Variants in CARMIL1 observed in about 807,000 individuals in gnomAD.
CARMIL1 encodes capping protein regulator and myosin 1 linker 1, also known as F-actin-uncapping protein LRRC16A.
CARMIL1 carries 90 observed loss-of-function variants against 177.1 expected under a neutral mutation model. The ratio of observed to expected loss-of-function variants is 0.51; its 90% CI spans 0.43 to 0.61. The LOEUF (loss-of-function observed/expected upper bound fraction) is 0.61, where lower values mean the gene tolerates loss of function less well. Ranked by LOEUF, CARMIL1 falls within the 20% of genes least tolerant of loss-of-function variation. The probability of loss-of-function intolerance (pLI) is 0.00; values close to 1 mark genes in which losing one functional copy is unlikely to be tolerated. For synonymous variants in CARMIL1, 577 were observed against 606.2 expected (o/e 0.95, Z 0.71); for missense variants, 1,380 against 1,667.0 (o/e 0.83, Z 3.00).
Position 25,554,214 on chromosome 6 carries a change from G to A in CARMIL1, c.2592+118G>A. On this transcript the variant is annotated intron_variant, in intron 28 of 36. Coordinates refer to ENST00000329474, the MANE Select transcript of CARMIL1 (RefSeq NM_017640.6). This position sits in a 1 kb window ranked among gnomAD's most constrained non-coding sequence, Gnocchi z 4.6. ...GTATTTCACACTATTACAGCTTTAT[G>A]GTTTGTGATCTTGGTTTTCCTCCTT... is the stretch of plus-strand genomic sequence containing the variant. 1.3e-6 allele frequency: 1 copy of A among 744,788 alleles called. No individual in the cohort carries two copies. Among genetic ancestry groups the A allele is most frequent in the South Asian group, 1.7e-5 (1 of 58,116 alleles). 46.1% of individuals were successfully genotyped at this position (744,788 alleles called of 1,614,324 possible). A position where few individuals can be genotyped will look rare whatever the true frequency, so the allele number is the denominator to read the frequency against.
At chr6:25,521,062 G>A (rs1008947760) in intron 23 of CARMIL1, among the ~76,000 whole-genome samples, 2 of 152,010 alleles carry the variant, frequency 1.3e-5, no homozygotes, top group South Asian at 2.1e-4. Flanking sequence ...TCTCCTTGGC[G>A]ATGTCATCCA....
At chr6:25,439,497 G>T (rs1224660908) in intron 5 of CARMIL1, among the ~76,000 whole-genome samples, 1 of 152,222 alleles carries the variant, frequency 6.6e-6, no homozygotes, top group Non-Finnish European at 1.5e-5. Flanking sequence ...CACAAATGGA[G>T]TTGGGTAAGG....
chr6:25,321,900 C>T (rs188117245), intron 2 of CARMIL1, among the ~76,000 whole-genome samples: 5,960 of 152,076 alleles, frequency 0.039, 182 homozygotes, highest in Non-Finnish European at 0.063. Context: ...CCTCATGATC[C>T]GCCTGCCTTG....
In CARMIL1 at chr6:25,600,400, G is replaced by A; in HGVS notation, c.3206G>A (p.Gly1069Asp). The stretch of plus-strand genomic sequence containing the variant: ...AAGCGAGATTCTCGGAAAAGTAGTG[G>A]CTTTCTCAATTTAATCAAATCCCGG... ...KKKRDSRKSS[G>D]FLNLIKSRSK... Residue 1069 changes from glycine (G) to aspartate (D), a missense_variant, in exon 33 of 37, where the codon GGC (glycine) becomes GAC (aspartate). Gly to Asp is a moderately conservative substitution (Grantham distance 94). Transcript: ENST00000329474. The A allele has an allele frequency of 1.2e-6, 2 of 1,613,982 alleles. No homozygotes were observed. Among genetic ancestry groups the A allele is most frequent in the Non-Finnish European group, 1.7e-6 (2 of 1,179,882 alleles).
chr6:25,400,436 A>C (rs1349151882), intron 2 of CARMIL1, among the ~76,000 whole-genome samples: 1 of 152,150 alleles, frequency 6.6e-6, no homozygotes, highest in African/African-American at 2.4e-5. Flanking sequence ...TGAGTTTCCC[A>C]GGGAATCAGA....
At chr6:25,470,921 A>C (rs990547252) in intron 9 of CARMIL1, among the ~76,000 whole-genome samples, 19 of 152,178 alleles carry the variant, frequency 1.2e-4, no homozygotes, top group African/African-American at 4.1e-4. Flanking sequence ...ACAAACTCTG[A>C]CCATAGCATT....
intron 8 of CARMIL1, among the ~76,000 whole-genome samples, chr6:25,457,042 G>A (rs1427513476): frequency 6.6e-6 from 1 of 151,252 alleles, no homozygotes; most frequent in African/African-American, 2.4e-5. Context: ...TTGGAGAGTG[G>A]AATCAGATGT....
intron 2 of CARMIL1, among the ~76,000 whole-genome samples, chr6:25,413,575 T>C (rs1446811613): frequency 6.6e-6 from 1 of 152,222 alleles, no homozygotes; most frequent in Non-Finnish European, 1.5e-5. Flanking sequence ...TATAAATGTT[T>C]CTAAGTGAAA....
At chr6:25,315,747 TGTTA>T (rs2150222437) in intron 2 of CARMIL1, among the ~76,000 whole-genome samples, 1 of 152,370 alleles carries the variant, frequency 6.6e-6, no homozygotes, top group South Asian at 2.1e-4. Context: ...TATTCTAGGC[TGTTA>T]GTTTTCCTTT....
In CARMIL1 at chr6:25,618,751, A is replaced by G. The variant is rs555041271; in HGVS notation, c.3980-696A>G. Reference sequence around the variant, plus strand: ...TTTATAAAGCCTCAGTGGATTCTTCATATTTATGTGTAATCAGAGCAGGCA... The same window carrying G: ...TTTATAAAGCCTCAGTGGATTCTTCGTATTTATGTGTAATCAGAGCAGGCA... On this transcript the variant is annotated intron_variant, in intron 36 of 36. Coordinates refer to ENST00000329474, the MANE Select transcript of CARMIL1 (RefSeq NM_017640.6). Among the ~76,000 whole-genome samples, 9 of 152,348 alleles carry G rather than the reference A, an allele frequency of 5.9e-5. No individual in the cohort carries two copies. In the South Asian group the frequency reaches 1.5e-3, roughly 25 times the overall value.
intron 11 of CARMIL1, among the ~76,000 whole-genome samples, chr6:25,472,784 T>C (rs60481378): frequency 1.8e-3 from 274 of 152,364 alleles, no homozygotes; most frequent in African/African-American, 6.4e-3. Flanking sequence ...TAGTCCTGCA[T>C]AACAAATTAC....
At chr6:25,490,229 G>C (rs188498062) in intron 13 of CARMIL1, among the ~76,000 whole-genome samples, 9 of 152,224 alleles carry the variant, frequency 5.9e-5, no homozygotes, top group African/African-American at 1.9e-4. Context: ...TGGCCAAATA[G>C]TCTTGTCACC....
rs76477063 is a variant in CARMIL1, at chr6:25,363,111, C to A, written c.139-57003C>A. Among the ~76,000 whole-genome samples, 864 of 151,820 alleles carry A rather than the reference C, an allele frequency of 5.7e-3. 8 individuals carry two copies. The highest frequency in any genetic ancestry group is 0.02 in the African/African-American group (813 of 41,502). ...TACTCACTACTCAGGTAGTGAGTAC[C>A]TGACCAATGTAGAATGACTTTTAAA... is the stretch of plus-strand genomic sequence containing the variant. On this transcript the variant is annotated intron_variant, in intron 2 of 36. Transcript: ENST00000329474.
At chr6:25,537,810 C>T (rs763241456) in intron 24 of CARMIL1, 45 bp from the exon 25 acceptor site, 35 of 1,602,760 alleles carry the variant, frequency 2.2e-5, no homozygotes, top group Admixed American at 5.1e-5. Context: ...ATCTGAATAT[C>T]GGCTGGGCTG....
chr6:25,438,852 C>CTT (rs35250854), intron 5 of CARMIL1, among the ~76,000 whole-genome samples: 32 of 144,518 alleles, frequency 2.2e-4, no homozygotes, highest in African/African-American at 3.0e-4. Context: ...TTATGAAAAT[C>CTT]TTTTTTTTTT....
At chr6:25,283,498 G>C (rs945519941) in intron 1 of CARMIL1, among the ~76,000 whole-genome samples, 1 of 152,168 alleles carries the variant, frequency 6.6e-6, no homozygotes, top group Non-Finnish European at 1.5e-5. Flanking sequence ...AGTGTCCAGA[G>C]TAGGAGATAA....
intron 35 of CARMIL1, among the ~76,000 whole-genome samples, chr6:25,609,638 A>G (rs1443281149): frequency 2.0e-5 from 3 of 152,204 alleles, no homozygotes; most frequent in Admixed American, 6.5e-5. Flanking sequence ...ATGCATACAC[A>G]TACACACATA....
chr6:25,281,217 C>T (rs1170886857), intron 1 of CARMIL1, among the ~76,000 whole-genome samples: 2 of 151,810 alleles, frequency 1.3e-5, no homozygotes, highest in African/African-American at 2.4e-5. Context: ...CTCCCCAACC[C>T]TGTGGAGTCT....
At chr6:25,394,289 A>G (rs1793161160) in intron 2 of CARMIL1, among the ~76,000 whole-genome samples, 1 of 152,186 alleles carries the variant, frequency 6.6e-6, no homozygotes, top group Non-Finnish European at 1.5e-5. Context: ...GCAGCACACT[A>G]TTAACTCATT....
Sources: allele counts gnomAD v4.1 joint callset (sites outside exome capture counted in the v4.1 genomes callset), GRCh38; gene constraint gnomAD v4.1.1; non-coding constraint Gnocchi (gnomAD v3.1); transcripts MANE v1.5; gene names NCBI Gene and HGNC (gene_info 2026-07-23, HGNC 2026-07-21).